The following MKNK1 variants were observed in gnomAD, a reference collection of about 807,000 sequenced individuals.
MKNK1 encodes the protein MAP kinase-interacting serine/threonine-protein kinase 1.
MKNK1 carries 30 observed loss-of-function variants against 49.3 expected under a neutral mutation model. The observed-to-expected ratio is 0.61, with a 90% confidence interval of 0.46 to 0.83. The LOEUF is 0.83. Among genes scored for constraint, MKNK1 ranks in the 40% least tolerant of loss-of-function variants. MKNK1 has a pLI of 0.00. For missense variants in MKNK1, 423 were observed against 524.7 expected (o/e 0.81, Z 1.89); for synonymous variants, 176 against 201.7 (o/e 0.87, Z 1.08).
chr1:46,562,474 C>T (rs991856587), intron 10 of MKNK1, among the ~76,000 whole-genome samples, 175 bp downstream of exon 10: 2 of 149,776 alleles, frequency 1.3e-5, no homozygotes, highest in Non-Finnish European at 3.0e-5. Context: ...CCCAGCTGGG[C>T]GGAGTGTCTG....
At chr1:46,561,337 A>T in intron 11 of MKNK1, 141 bp downstream of exon 11, 1 of 919,098 alleles carries the variant, frequency 1.1e-6, no homozygotes, top group Non-Finnish European at 1.6e-6. Context: ...GATTCACTCT[A>T]CACACTCAGG....
intron 1 of MKNK1, among the ~76,000 whole-genome samples, chr1:46,594,693 G>T (rs1481936337): frequency 6.6e-6 from 1 of 152,158 alleles, no homozygotes; most frequent in Non-Finnish European, 1.5e-5. Context: ...GGAGTCTCAG[G>T]CAAAAGATAA....
intron 3 of MKNK1, 196 bp downstream of exon 3, chr1:46,583,032 A>G: frequency 1.5e-6 from 1 of 680,132 alleles, no homozygotes; most frequent in Non-Finnish European, 2.7e-6. Flanking sequence ...ATCATCTGAG[A>G]GCTTTTTCCA....
At chr1:46,599,621 C>T (rs994612596) in intron 1 of MKNK1, among the ~76,000 whole-genome samples, 5 of 152,164 alleles carry the variant, frequency 3.3e-5, no homozygotes, top group African/African-American at 1.2e-4. Flanking sequence ...GTCTAACCTC[C>T]GTCCTGCTGC....
chr1:46,597,982 G>T (rs1037204961), intron 1 of MKNK1, among the ~76,000 whole-genome samples: 1 of 152,204 alleles, frequency 6.6e-6, no homozygotes, highest in Non-Finnish European at 1.5e-5. Context: ...CTGTTTAGCC[G>T]GGAGAAGAGA....
At chr1:46,599,374 C>T (rs1485100721) in intron 1 of MKNK1, among the ~76,000 whole-genome samples, 1 of 152,160 alleles carries the variant, frequency 6.6e-6, no homozygotes, top group Non-Finnish European at 1.5e-5. Flanking sequence ...TAACGTCAAT[C>T]TCCCATCAGA....
intron 4 of MKNK1, among the ~76,000 whole-genome samples, chr1:46,578,306 T>TAA (rs889965408): frequency 5.9e-5 from 9 of 152,106 alleles, no homozygotes; most frequent in Non-Finnish European, 1.5e-5. Context: ...TGTAATAAGC[T>TAA]AAGTATTGTG....
At chr1:46,561,743 C>T (rs1314426721) in intron 10 of MKNK1, 101 bp from the exon 11 acceptor site, 1 of 1,354,086 alleles carries the variant, frequency 7.4e-7, no homozygotes, top group Non-Finnish European at 1.0e-6. Flanking sequence ...TCAGCTGTAG[C>T]TGCAGCTCAT....
At position 46,558,425 on chromosome 1, in the gene MKNK1, G is replaced by A. The variant is rs1343236421; in HGVS notation, c.*150C>T. The A allele has an allele frequency of 6.5e-5, 49 of 752,792 alleles. No homozygotes were observed. Among genetic ancestry groups the A allele is most frequent in the Non-Finnish European group, 9.4e-5 (46 of 489,154 alleles). The allele number at this position is 752,792 out of a possible 1,614,324, so 46.6% of individuals were successfully genotyped here. A position where few individuals can be genotyped will look rare whatever the true frequency, so the allele number is the denominator to read the frequency against. ...CCAGGACCCTAGGGAAATGGGGGTT[G>A]ATGGGAACCTCAGGGCCTTCGTAGA... is the stretch of plus-strand genomic sequence containing the variant. On this transcript the variant is annotated 3_prime_UTR_variant, in exon 13 of 13. Coordinates refer to ENST00000371945, the MANE Select transcript of MKNK1 (RefSeq NM_001135553.4).
In MKNK1 at chr1:46,562,747, C is replaced by T. The variant is rs144952586; in HGVS notation, c.706G>A (p.Val236Met). ...DKRCDLWSLG[V>M]VLYIMLSGYP... ...CCACTCAGCATGATGTAGAGGACCA[C>T]GCCCAGGCTCCACAGGTCACAGCGC... Residue 236 changes from valine to methionine, a missense_variant, in exon 10 of 13, where the codon GTG becomes ATG. Transcript: ENST00000371945. 25 of 1,606,486 alleles carry T rather than the reference C, an allele frequency of 1.6e-5. No individual in the cohort carries two copies. In the East Asian group the frequency reaches 1.6e-4, roughly 10 times the overall value.
intron 1 of MKNK1, among the ~76,000 whole-genome samples, chr1:46,595,791 AGCCAGGCTGGAGT>A (rs1183999342): frequency 6.6e-6 from 1 of 152,164 alleles, no homozygotes; most frequent in Non-Finnish European, 1.5e-5. Flanking sequence ...TGGCTCCATT[AGCCAGGCTGGAGT>A]GCAGTGGCAT....
intron 8 of MKNK1, among the ~76,000 whole-genome samples, chr1:46,567,862 T>C (rs1380093385): frequency 6.6e-6 from 1 of 152,248 alleles, no homozygotes; most frequent in Non-Finnish European, 1.5e-5. Context: ...GGCTCACGTT[T>C]GCAATCCCAG....
chr1:46,581,442 G>A (rs750240863), intron 3 of MKNK1, among the ~76,000 whole-genome samples: 4 of 150,286 alleles, frequency 2.7e-5, no homozygotes, highest in Non-Finnish European at 3.0e-5. Flanking sequence ...CCCGAGAGGC[G>A]GAGGTTGTAG....
At chr1:46,571,520 G>A (rs1369454424) in intron 7 of MKNK1, 6 of 437,034 alleles carry the variant, frequency 1.4e-5, no homozygotes, top group Admixed American at 2.7e-5. Flanking sequence ...TCCAGCCTAG[G>A]TGACAGAGAG....
At chr1:46,562,345 G>A (rs1443448668) in intron 10 of MKNK1, among the ~76,000 whole-genome samples, 4 of 140,840 alleles carry the variant, frequency 2.8e-5, no homozygotes, top group Non-Finnish European at 1.5e-5. Flanking sequence ...GCAGTGAGTC[G>A]AGATCGTGCC....
intron 2 of MKNK1, among the ~76,000 whole-genome samples, chr1:46,588,685 T>C (rs1234917390): frequency 6.6e-6 from 1 of 152,014 alleles, no homozygotes; most frequent in East Asian, 1.9e-4. Context: ...CGGGCGCCTG[T>C]AGTCCCAGCT....
At chr1:46,583,109 A>G in intron 3 of MKNK1, 119 bp downstream of exon 3, 1 of 784,036 alleles carries the variant, frequency 1.3e-6, no homozygotes, top group East Asian at 2.4e-5. Context: ...CCTACCACAC[A>G]GATAACCACC....
chr1:46,563,077 C>T, intron 9 of MKNK1: 2 of 467,500 alleles, frequency 4.3e-6, no homozygotes, highest in Non-Finnish European at 7.5e-6. Context: ...CTTATCCTTC[C>T]AGTTCCTCCT....
chr1:46,571,390 C>T (rs1049596205), intron 7 of MKNK1: 1 of 270,406 alleles, frequency 3.7e-6, no homozygotes, highest in South Asian at 2.9e-5. Context: ...CAAAAAAATA[C>T]AAAAATTTCC....
Sources: gnomAD v4.1 joint callset for allele counts (sites outside exome capture counted in the v4.1 genomes callset) on GRCh38, gnomAD v4.1.1 for gene constraint, MANE v1.5 for transcripts, NCBI Gene and HGNC (gene_info 2026-07-23, HGNC 2026-07-21) for gene names.